Variants in EEFSEC observed in about 807,000 individuals in gnomAD.
The protein encoded by EEFSEC is eukaryotic elongation factor, selenocysteine-tRNA specific.
A neutral mutation model predicts 42.1 loss-of-function variants in EEFSEC; 43 were observed. That is an observed-to-expected ratio of 1.02 (90% confidence interval 0.80 to 1.32). The LOEUF (loss-of-function observed/expected upper bound fraction) is 1.32, where lower values mean the gene tolerates loss of function less well. Among genes scored for constraint, EEFSEC ranks in the 40% most tolerant of loss-of-function variants. The pLI is 0.00. For synonymous variants in EEFSEC, 354 were observed against 339.1 expected (o/e 1.04, Z -0.48); for missense variants, 745 against 803.6 (o/e 0.93, Z 0.88).
intron 4 of EEFSEC, among the ~76,000 whole-genome samples, chr3:128,296,744 C>T (rs1001651861): frequency 3.9e-5 from 6 of 152,200 alleles, no homozygotes; most frequent in Non-Finnish European, 7.3e-5. Context: ...ATCCATTGGC[C>T]TTTGTGCCCC....
At chr3:128,210,142 G>A (rs563617561) in intron 1 of EEFSEC, among the ~76,000 whole-genome samples, 1 of 152,354 alleles carries the variant, frequency 6.6e-6, no homozygotes, top group South Asian at 2.1e-4. Context: ...TCTGGGCTTT[G>A]GGGCTATGCC....
intron 1 of EEFSEC, among the ~76,000 whole-genome samples, chr3:128,161,424 G>A (rs766188330): frequency 2.6e-5 from 4 of 152,050 alleles, no homozygotes; most frequent in East Asian, 3.9e-4. Flanking sequence ...CTTTTGTTTC[G>A]GTTGTTAATG....
intron 6 of EEFSEC, among the ~76,000 whole-genome samples, chr3:128,371,695 G>C (rs1237234322): frequency 6.6e-6 from 1 of 152,234 alleles, no homozygotes; most frequent in Admixed American, 6.5e-5. Flanking sequence ...TGCAGAATGA[G>C]GAGGGTGATG....
At chr3:128,410,087 G>T (rs1174354002), downstream of EEFSEC, among the ~76,000 whole-genome samples, 1 of 139,904 alleles carries the variant, frequency 7.1e-6, no homozygotes, top group East Asian at 1.9e-4. Context: ...GGCAGGAGAG[G>T]CCCCTCTGAG....
chr3:128,178,751 C>T (rs1265538042), intron 1 of EEFSEC, among the ~76,000 whole-genome samples: 1 of 152,200 alleles, frequency 6.6e-6, no homozygotes, highest in Non-Finnish European at 1.5e-5. Flanking sequence ...AAAACCTTTT[C>T]ACTTTACCAC....
At chr3:128,272,687 C>T (rs1418310993) in intron 4 of EEFSEC, among the ~76,000 whole-genome samples, 1 of 152,150 alleles carries the variant, frequency 6.6e-6, no homozygotes, top group African/African-American at 2.4e-5. Flanking sequence ...GTTAGGAACA[C>T]AATTAAGGAA....
intron 1 of EEFSEC, among the ~76,000 whole-genome samples, chr3:128,187,035 G>A (rs2065473123): frequency 1.3e-5 from 2 of 152,162 alleles, no homozygotes; most frequent in African/African-American, 4.8e-5. Flanking sequence ...TTTTCAGACT[G>A]ATAATGCCAT....
At chr3:128,410,144 G>A (rs140913575), downstream of EEFSEC, among the ~76,000 whole-genome samples, 43 of 152,296 alleles carry the variant, frequency 2.8e-4, 1 homozygote, top group Admixed American at 9.1e-4. Context: ...CACAGATCTG[G>A]GAGCTGCTGG....
intron 4 of EEFSEC, among the ~76,000 whole-genome samples, chr3:128,283,362 A>G (rs1273809008): frequency 6.6e-6 from 1 of 152,226 alleles, no homozygotes; most frequent in Non-Finnish European, 1.5e-5. Flanking sequence ...ATAAGGAAGG[A>G]AAGGAAATTT....
chr3:128,240,591 AG>A (rs1422803519), intron 1 of EEFSEC, among the ~76,000 whole-genome samples: 2 of 152,182 alleles, frequency 1.3e-5, no homozygotes, highest in African/African-American at 4.8e-5. Flanking sequence ...TCCTGGTACC[AG>A]TAGGAATTTG....
chr3:128,154,037 C>G, intron 1 of EEFSEC: 1 of 523,258 alleles, frequency 1.9e-6, no homozygotes, highest in Non-Finnish European at 3.1e-6. Context: ...CCAGCAGAAC[C>G]GAGCTGCAAG....
At chr3:128,248,342 C>G (rs1383315209) in intron 2 of EEFSEC, among the ~76,000 whole-genome samples, 1 of 152,228 alleles carries the variant, frequency 6.6e-6, no homozygotes, top group East Asian at 1.9e-4. Context: ...GATATGCCTT[C>G]CCATTTATGA....
chr3:128,345,304 T>C (rs879362531), intron 5 of EEFSEC, among the ~76,000 whole-genome samples: 1 of 152,188 alleles, frequency 6.6e-6, no homozygotes, highest in Admixed American at 6.5e-5. Flanking sequence ...GTCCACTCTT[T>C]TCCCTGGGAC....
intron 6 of EEFSEC, among the ~76,000 whole-genome samples, chr3:128,374,322 T>A (rs11919523): frequency 6.6e-6 from 1 of 151,942 alleles, no homozygotes; most frequent in African/African-American, 2.4e-5. Flanking sequence ...GCTTGTAGAC[T>A]TGTGTAAGCG....
chr3:128,206,630 G>C (rs1165512672), intron 1 of EEFSEC, among the ~76,000 whole-genome samples: 1 of 152,188 alleles, frequency 6.6e-6, no homozygotes. Context: ...GTGTGAAGAG[G>C]TGAAAACCTT....
chr3:128,245,450 G>T (rs1206277296), intron 1 of EEFSEC, among the ~76,000 whole-genome samples: 1 of 152,198 alleles, frequency 6.6e-6, no homozygotes, highest in Non-Finnish European at 1.5e-5. Context: ...CTGCTGCTGC[G>T]TGCACCTGAG....
chr3:128,396,184 GTA>G (rs1164613782), intron 6 of EEFSEC, among the ~76,000 whole-genome samples: 1 of 152,180 alleles, frequency 6.6e-6, no homozygotes, highest in African/African-American at 2.4e-5. Flanking sequence ...GTGTGTGTAT[GTA>G]TGTCATGGAC....
rs886997890 is a variant in EEFSEC, at chr3:128,361,165, G to A, written c.1600+2792G>A. Among the ~76,000 whole-genome samples the A allele has an allele frequency of 1.2e-4, 19 of 152,094 alleles. 1 individual carries two copies. The highest frequency in any genetic ancestry group is 9.8e-4 in the Admixed American group (15 of 15,272). On this transcript the variant is annotated intron_variant, in intron 6 of 6. Transcript: ENST00000254730. The stretch of plus-strand genomic sequence containing the variant: ...TCGCTGCCGGCTCTACAGGGCATCC[G>A]GGCTGGGAAAGGCAGAATGAAGAGT...
At chr3:128,361,350 A>G (rs956453728) in intron 6 of EEFSEC, among the ~76,000 whole-genome samples, 3 of 152,146 alleles carry the variant, frequency 2.0e-5, no homozygotes, top group African/African-American at 7.2e-5. Context: ...ACTCTTCACT[A>G]TATGGGAACG....
Sources: gnomAD v4.1 joint callset for allele counts (sites outside exome capture counted in the v4.1 genomes callset) on GRCh38, gnomAD v4.1.1 for gene constraint, MANE v1.5 for transcripts, NCBI Gene and HGNC (gene_info 2026-07-23, HGNC 2026-07-21) for gene names.